RASSF7: variants seen among roughly 807,000 people sequenced by gnomAD.
RASSF7 encodes Ras association domain family member 7.
In RASSF7, 41 loss-of-function variants were observed where a neutral mutation model predicts 33.8. The ratio of observed to expected loss-of-function variants is 1.21; its 90% CI spans 0.95 to 1.57. The LOEUF is 1.57. RASSF7 is among the 40% of genes most tolerant of loss of function. RASSF7 has a pLI of 0.00. For synonymous variants in RASSF7, 298 were observed against 212.8 expected (o/e 1.40, Z -3.48); for missense variants, 622 against 497.0 (o/e 1.25, Z -2.39).
intron 2 of RASSF7, 23 bp downstream of exon 2, chr11:561,915 A>G (rs1304308010): frequency 6.2e-7 from 1 of 1,612,418 alleles, no homozygotes; most frequent in Non-Finnish European, 8.5e-7. Context: ...GGGGTCAGGC[A>G]GGCCGGGCAG....
Position 563,706 on chromosome 11 carries a change from CAGAG to C in RASSF7, c.*62_*65del. On this transcript the variant is annotated 3_prime_UTR_variant, in exon 6 of 6. Transcript: ENST00000397583. ...ACCACAGAAGGAGAGTTGGCGGTCA[CAGAG>C]GGCTCCTCTGCCAGGCAGTGGGAAG... is the stretch of plus-strand genomic sequence containing the variant. 6.9e-7 allele frequency: 1 copy of C among 1,449,884 alleles called. No homozygotes were observed. The highest frequency in any genetic ancestry group is 9.4e-7 in the Non-Finnish European group (1 of 1,067,246). The allele number at this position is 1,449,884 out of a possible 1,614,324, so 89.8% of individuals were successfully genotyped here. A position where few individuals can be genotyped will look rare whatever the true frequency, so the allele number is the denominator to read the frequency against.
Position 562,091 on chromosome 11 carries a change from G to A in RASSF7, c.137G>A (p.Arg46His), listed in dbSNP as rs377067888. ...ALAQAIGQTG[R>H]FVLVQRLREK... ...CTCTTCTTCCCAGGCCAGACTGGCCGCTTTGTGCTTGTGCAGCGGCTTCGG... is the reference window on the plus strand; with the variant it reads ...CTCTTCTTCCCAGGCCAGACTGGCCACTTTGTGCTTGTGCAGCGGCTTCGG... Residue 46 changes from arginine (R) to histidine (H), a missense_variant, in exon 3 of 6, where the codon CGC (arginine) becomes CAC (histidine). By Grantham distance (29) the Arg-to-His change is conservative. Transcript: ENST00000397583. 1.2e-5 allele frequency: 19 copies of A among 1,520,118 alleles called. No homozygotes were observed. Among genetic ancestry groups the A allele is most frequent in the African/African-American group, 2.8e-5 (2 of 72,034 alleles). 94.2% of individuals were successfully genotyped at this position (1,520,118 alleles called of 1,614,324 possible). A position where few individuals can be genotyped will look rare whatever the true frequency, so the allele number is the denominator to read the frequency against.
In RASSF7 at chr11:563,963, A is replaced by G. The variant is rs1307157550; in HGVS notation, c.*318A>G. 3 of 443,624 alleles carry G rather than the reference A, an allele frequency of 6.8e-6. No homozygotes were observed. The highest frequency in any genetic ancestry group is 6.0e-5 in the African/African-American group (3 of 50,402). 27.5% of individuals were successfully genotyped at this position (443,624 alleles called of 1,614,324 possible). ...TTCACTGTGTGTACACAGCAAGAGC[A>G]TGTGTGTGCCACTTCCCCTACCCCA... On this transcript the variant is annotated 3_prime_UTR_variant, in exon 6 of 6. Transcript: ENST00000397583.
At chr11:563,141 C>T (rs1360508383) in intron 3 of RASSF7, 48 bp from the exon 4 acceptor site, 2 of 1,506,066 alleles carry the variant, frequency 1.3e-6, no homozygotes, top group Admixed American at 2.0e-5. Context: ...AGCACAAGGG[C>T]TGTGGAGCCC....
chr11:561,317 G>A lies in RASSF7; in HGVS notation c.-168G>A. On this transcript the variant is annotated 5_prime_UTR_variant, in exon 1 of 6. Coordinates refer to ENST00000397583, the MANE Select transcript of RASSF7 (RefSeq NM_003475.4). Reference sequence around the variant, plus strand: ...GGGCTGGCGGGGGCTGCTCAGACCCGGAGTCTGCTCCATCTGCAGGGTCGA... The same window carrying A: ...GGGCTGGCGGGGGCTGCTCAGACCCAGAGTCTGCTCCATCTGCAGGGTCGA... 1 of 991,574 alleles carries A rather than the reference G, an allele frequency of 1.0e-6. No homozygotes were observed. Among genetic ancestry groups the A allele is most frequent in the Non-Finnish European group, 1.2e-6 (1 of 834,000 alleles). The allele number at this position is 991,574 out of a possible 1,614,324, so 61.4% of individuals were successfully genotyped here.
rs376525434 is a variant in RASSF7, at chr11:561,875, C to T, written c.107C>T (p.Ala36Val). ...ACCACCTGCCAGGAAGTGGTCATCG[C>T]ACTAGCCCAAGCAATAGGTGAGTCC... ...EQTTCQEVVI[A>V]LAQAIGQTGR... Residue 36 changes from alanine (A) to valine (V), a missense_variant, in exon 2 of 6, where the codon GCA becomes GTA. Ala to Val is a moderately conservative substitution (Grantham distance 64). Coordinates refer to ENST00000397583, the MANE Select transcript of RASSF7 (RefSeq NM_003475.4). The T allele has an allele frequency of 5.6e-6, 9 of 1,613,560 alleles. No homozygotes were observed. The East Asian group carries it at 6.7e-5, about 12-fold the overall frequency.
In RASSF7 at chr11:563,980, C is replaced by T. The variant is rs928911335; in HGVS notation, c.*335C>T. 1.8e-5 allele frequency: 7 copies of T among 398,706 alleles called. No individual in the cohort carries two copies. In the Admixed American group the frequency reaches 2.5e-4, roughly 14 times the overall value. The allele number at this position is 398,706 out of a possible 1,614,324, so 24.7% of individuals were successfully genotyped here. ...GCAAGAGCATGTGTGTGCCACTTCC[C>T]CTACCCCAACGTGAAAACCTCAATA... On this transcript the variant is annotated 3_prime_UTR_variant, in exon 6 of 6. Transcript: ENST00000397583.
rs1853434579 is a variant in RASSF7, at chr11:563,415, G to A, written c.971G>A (p.Arg324Lys). The A allele has an allele frequency of 1.9e-6, 3 of 1,611,952 alleles. No homozygotes were observed. In the East Asian group the frequency reaches 6.7e-5, roughly 36 times the overall value. The part of the protein sequence containing the change: ...PGTQGPLPPA[R>K]EESLLGAPSE... Reference sequence around the variant, plus strand: ...CCACAGGGCCCTCTGCCTCCAGCCAGAGAGGAGTCCCTCCTGGGCGCTCCC... The same window carrying A: ...CCACAGGGCCCTCTGCCTCCAGCCAAAGAGGAGTCCCTCCTGGGCGCTCCC... The change falls in exon 5 of 6, where the codon AGA becomes AAA. Residue 324 changes from arginine (R) to lysine (K), a missense_variant. Physicochemically the swap from Arg to Lys is conservative, Grantham distance 26. Transcript: ENST00000397583.
Position 562,444 on chromosome 11 carries a change from A to G in RASSF7, c.490A>G (p.Arg164Gly). The stretch of plus-strand genomic sequence containing the variant: ...GCGGGGCCTGGAGCTCAGGGTGCAG[A>G]GGAATGCTGAGGAGCTGGGCCATGA... Reference protein sequence around the residue: ...DLRGLELRVQRNAEELGHEAF... With the variant: ...DLRGLELRVQGNAEELGHEAF... Residue 164 changes from arginine to glycine, a missense_variant, in exon 3 of 6, where the codon AGG becomes GGG. By Grantham distance (125) the Arg-to-Gly change is moderately radical (BLOSUM62 -2). Transcript: ENST00000397583. 4 of 1,551,234 alleles carry G rather than the reference A, an allele frequency of 2.6e-6. No individual in the cohort carries two copies. The highest frequency in any genetic ancestry group is 3.5e-6 in the Non-Finnish European group (4 of 1,147,208).
chr11:562,537 G>A lies in RASSF7; in HGVS notation c.583G>A (p.Ala195Thr). 6.5e-7 allele frequency: 1 copy of A among 1,548,100 alleles called. No homozygotes were observed. The highest frequency in any genetic ancestry group is 8.7e-7 in the Non-Finnish European group (1 of 1,146,844). Residue 195 changes from alanine (A) to threonine (T), a missense_variant, in exon 3 of 6, where the codon GCA becomes ACA. Ala to Thr is a moderately conservative substitution (Grantham distance 58). Coordinates refer to ENST00000397583, the MANE Select transcript of RASSF7 (RefSeq NM_003475.4). ...GCGAGAGGGACAGGCACGCCTGCAG[G>A]CACTAAGTGCGGCCACTGCTGAGCA... ...REREGQARLQ[A>T]LSAATAEHAA...
chr11:562,031 G>A (rs899365638), intron 2 of RASSF7, 48 bp from the exon 3 acceptor site: 2 of 1,508,462 alleles, frequency 1.3e-6, no homozygotes, highest in East Asian at 2.4e-5. Context: ...AAGCCAGGTG[G>A]ACAGAGAGTC....
chr11:563,576 ACTC>A lies in RASSF7; in HGVS notation c.1056_1058del (p.Leu353del), dbSNP rs1164137154. The A allele has an allele frequency of 5.6e-6, 9 of 1,611,786 alleles. No homozygotes were observed. Among genetic ancestry groups the A allele is most frequent in the Admixed American group, 3.3e-5 (2 of 59,958 alleles). The stretch of plus-strand genomic sequence containing the variant: ...CCCGCAGTGGCCCCCATGACGCAGA[ACTC>A]CTGGAGGTAGCAGCAGCTCCTGCCC... On this transcript the variant is annotated inframe_deletion, in exon 6 of 6. Transcript: ENST00000397583.
In RASSF7 at chr11:561,442, C is replaced by A; in HGVS notation, c.-43C>A. 2 of 1,170,008 alleles carry A rather than the reference C, an allele frequency of 1.7e-6. No homozygotes were observed. Among genetic ancestry groups the A allele is most frequent in the South Asian group, 4.7e-5 (2 of 42,496 alleles). 72.5% of individuals were successfully genotyped at this position (1,170,008 alleles called of 1,614,324 possible). The stretch of plus-strand genomic sequence containing the variant: ...GGGGCCTGGCGTGCGGGCGCCTCCG[C>A]GCCGCCCGGGGAGGGGGCAGTGTCC... On this transcript the variant is annotated 5_prime_UTR_variant, in exon 1 of 6. Transcript: ENST00000397583.
rs1426510182 is a variant in RASSF7, at chr11:563,539, A to T, written c.1035-19A>T. On this transcript the variant is annotated intron_variant, in intron 5 of 5. Transcript: ENST00000397583. ...GCCCTCCTGTGGCTGCAGCCACCTC[A>T]GCCTGTGTCCTCCCGCAGTGGCCCC... The T allele has an allele frequency of 1.9e-6, 3 of 1,611,252 alleles. No individual in the cohort carries two copies. Among genetic ancestry groups the T allele is most frequent in the Non-Finnish European group, 2.5e-6 (3 of 1,179,662 alleles).
rs767881675 is a variant in RASSF7, at chr11:563,642, G to A, written c.1119G>A (p.Leu373=). 1.9e-5 allele frequency: 30 copies of A among 1,608,984 alleles called. No individual in the cohort carries two copies. The highest frequency in any genetic ancestry group is 1.7e-4 in the Middle Eastern group (1 of 5,818). ...CTCTGGCAGCCCAGCCCCAGGCTCTGTGACAGCCTAGTGAGGGCTGCAAGA... is the reference window on the plus strand; with the variant it reads ...CTCTGGCAGCCCAGCCCCAGGCTCTATGACAGCCTAGTGAGGGCTGCAAGA... ...WCPLAAQPQA[L] is the part of the protein sequence containing the mutation. Residue 373 remains leucine, a synonymous_variant, in exon 6 of 6, where the codon CTG becomes CTA. Transcript: ENST00000397583.
intron 1 of RASSF7, 134 bp downstream of exon 1, chr11:561,611 T>C (rs1211441133): frequency 1.4e-6 from 2 of 1,403,326 alleles, no homozygotes; most frequent in Non-Finnish European, 1.9e-6. Flanking sequence ...AATGTGTGGC[T>C]GGCGGGTGGG....
chr11:562,630 G>T lies in RASSF7; in HGVS notation c.676G>T (p.Glu226Ter). Reference sequence around the variant, plus strand: ...GGAGGCTGAGCTGCAGCTGGCAGCGGAGGCCCCTGGGCCCCCCTCACCTAT... The same window carrying T: ...GGAGGCTGAGCTGCAGCTGGCAGCGTAGGCCCCTGGGCCCCCCTCACCTAT... ...ALEAELQLAAEAPGPPSPMAS... is the reference protein window; with the variant it reads ...ALEAELQLAA Residue 226 changes from glutamate (E) to a stop codon, truncating the protein, a stop_gained, in exon 3 of 6, where the codon GAG becomes TAG. Transcript: ENST00000397583. LOFTEE classifies it high-confidence loss of function. 1 of 1,543,488 alleles carries T rather than the reference G, an allele frequency of 6.5e-7. No homozygotes were observed.
Position 562,319 on chromosome 11 carries a change from G to C in RASSF7, c.365G>C (p.Cys122Ser), listed in dbSNP as rs1371067696. Residue 122 changes from cysteine (C) to serine (S), a missense_variant, in exon 3 of 6, where the codon TGT becomes TCT. Cys to Ser is a moderately radical substitution (Grantham distance 112, BLOSUM62 -1). Coordinates refer to ENST00000397583, the MANE Select transcript of RASSF7 (RefSeq NM_003475.4). ...LPVKPRAALG[C>S]EPRKTLTPEP... ...GTAAAGCCACGGGCTGCGCTGGGCTGTGAGCCCCGCAAAACACTGACCCCC... is the reference window on the plus strand; with the variant it reads ...GTAAAGCCACGGGCTGCGCTGGGCTCTGAGCCCCGCAAAACACTGACCCCC... 6.2e-7 allele frequency: 1 copy of C among 1,611,288 alleles called. No homozygotes were observed. Among genetic ancestry groups the C allele is most frequent in the Admixed American group, 1.7e-5 (1 of 59,878 alleles).
intron 5 of RASSF7, 34 bp from the exon 6 acceptor site, chr11:563,523 TG>T: frequency 6.2e-7 from 1 of 1,610,310 alleles, no homozygotes; most frequent in African/African-American, 1.3e-5. Flanking sequence ...GGCCCTCCTG[TG>T]GCTGCAGCCA....
Sources: gnomAD v4.1 joint callset for allele counts on GRCh38, gnomAD v4.1.1 for gene constraint, MANE v1.5 for transcripts, NCBI Gene and HGNC (gene_info 2026-07-23, HGNC 2026-07-21) for gene names.